Variants in COL4A6 observed in about 807,000 individuals in gnomAD.
COL4A6 encodes the protein collagen alpha-6(IV) chain.
Under a neutral mutation model 126.7 loss-of-function variants are expected in COL4A6, and 59 were observed. That is an observed-to-expected ratio of 0.47 (90% CI 0.38 to 0.58). The LOEUF (loss-of-function observed/expected upper bound fraction) is 0.58. COL4A6 is among the 20% of genes least tolerant of loss of function. The probability of loss-of-function intolerance (pLI) is 0.00; values close to 1 mark genes in which losing one functional copy is unlikely to be tolerated. For missense variants in COL4A6, 1,285 were observed against 1,337.3 expected (o/e 0.96, Z 0.61); for synonymous variants, 547 against 496.6 (o/e 1.10, Z -1.35).
At chrX:108,303,104 T>G (rs1331731924) in intron 3 of COL4A6, among the ~76,000 whole-genome samples, 1 of 108,952 alleles carries the variant, frequency 9.2e-6, no homozygotes, top group Non-Finnish European at 1.9e-5. Flanking sequence ...CTCCCTGCTA[T>G]CCTGCTGCTG....
chrX:108,383,547 CA>C, intron 2 of COL4A6: 1 of 459,780 alleles, frequency 2.2e-6, no homozygotes, highest in Admixed American at 3.5e-5. Context: ...TAGAACAGAA[CA>C]AAGAGATGTA....
chrX:108,272,706 C>T (rs182603722), intron 3 of COL4A6, among the ~76,000 whole-genome samples: 426 of 108,974 alleles, frequency 3.9e-3, no homozygotes, highest in African/African-American at 0.014. Flanking sequence ...TTTTTTAACC[C>T]ATCTCTCATT....
chrX:108,260,402 T>C (rs1445681823), intron 3 of COL4A6, among the ~76,000 whole-genome samples: 1 of 111,864 alleles, frequency 8.9e-6, no homozygotes, highest in Admixed American at 9.5e-5. Flanking sequence ...TCTCATATTG[T>C]AGCTCCAATA....
chrX:108,223,325 C>T (rs2148270625), intron 3 of COL4A6, among the ~76,000 whole-genome samples: 1 of 111,279 alleles, frequency 9.0e-6, no homozygotes, highest in African/African-American at 3.3e-5. Context: ...CATATGTATA[C>T]CTGTGTAACA....
chrX:108,343,610 A>C (rs1044355076), intron 2 of COL4A6, among the ~76,000 whole-genome samples: 21 of 111,417 alleles, frequency 1.9e-4, no homozygotes, highest in Non-Finnish European at 3.4e-4. Context: ...TTTGCTGATG[A>C]ATTAACTATT....
intron 13 of COL4A6, among the ~76,000 whole-genome samples, chrX:108,197,816 C>A (rs188612752): frequency 1.1e-5 from 1 of 93,873 alleles, no homozygotes; most frequent in Non-Finnish European, 2.1e-5. Context: ...TGTGTAGGAT[C>A]CAATTCAAAG....
chrX:108,362,055 T>TTGTGTGTGTG (rs10548613), intron 2 of COL4A6, among the ~76,000 whole-genome samples: 11 of 103,133 alleles, frequency 1.1e-4, no homozygotes, highest in Non-Finnish European at 2.0e-4. Context: ...TCAAACTAGT[T>TTGTGTGTGTG]TGTGTGTGTG....
At chrX:108,270,664 G>C (rs979958978) in intron 3 of COL4A6, among the ~76,000 whole-genome samples, 1 of 112,015 alleles carries the variant, frequency 8.9e-6, no homozygotes, top group African/African-American at 3.2e-5. Flanking sequence ...TCATAGAGGT[G>C]GTATGAATCT....
chrX:108,383,382 G>A, intron 2 of COL4A6: 2 of 448,858 alleles, frequency 4.5e-6, no homozygotes, highest in Non-Finnish European at 8.4e-6. Context: ...CAAGCTATAA[G>A]AAGTAAAACC....
chrX:108,343,163 ATAGT>A (rs1247763808), intron 2 of COL4A6, among the ~76,000 whole-genome samples: 129 of 32,468 alleles, frequency 4.0e-3, no homozygotes, highest in African/African-American at 5.8e-3. Flanking sequence ...ATATATATAT[ATAGT>A]GTGTGTGTGT....
At chrX:108,274,460 G>A (rs1293197631) in intron 3 of COL4A6, among the ~76,000 whole-genome samples, 1 of 111,296 alleles carries the variant, frequency 9.0e-6, no homozygotes, top group Admixed American at 9.6e-5. Context: ...CGCAGGAGGT[G>A]GTTCAGAGTG....
At chrX:108,160,697 T>G in intron 42 of COL4A6, 43 bp from the exon 43 acceptor site, 1 of 1,097,693 alleles carries the variant, frequency 9.1e-7, no homozygotes, top group Non-Finnish European at 1.2e-6. Flanking sequence ...GTGCAGCTAA[T>G]GACAACATCA....
At chrX:108,293,365 CTTAATA>C (rs1051684333) in intron 3 of COL4A6, among the ~76,000 whole-genome samples, 1 of 111,540 alleles carries the variant, frequency 9.0e-6, no homozygotes, top group African/African-American at 3.3e-5. Context: ...ATGATAAGTA[CTTAATA>C]TTATTATTAG....
chrX:108,402,852 G>A lies in COL4A6; in HGVS notation c.63+35090C>T, dbSNP rs377186542. Among the ~76,000 whole-genome samples, 13 of 110,890 alleles carry A rather than the reference G, an allele frequency of 1.2e-4. 1 individual carries two copies. In the East Asian group the frequency reaches 1.7e-3, roughly 14 times the overall value. ...TTCTGTTGTAATTTGCTTTAGGGCC[G>A]AATACATGCTCAATTTTTATGTATG... On this transcript the variant is annotated intron_variant, in intron 2 of 44. Transcript: ENST00000334504.
At position 108,266,047 on chromosome X, in the gene COL4A6, T is replaced by G. The variant is rs1024459080; in HGVS notation, c.145-44673A>C. On this transcript the variant is annotated intron_variant, in intron 3 of 44. Transcript: ENST00000334504. Reference sequence around the variant, plus strand: ...GGGAGGGCATCCTTGGAGGCAGACATAAGCTGCATTTGATAACTGGGAGAG... The same window carrying G: ...GGGAGGGCATCCTTGGAGGCAGACAGAAGCTGCATTTGATAACTGGGAGAG... 4.5e-5 allele frequency among the ~76,000 whole-genome samples: 5 copies of G among 111,904 alleles called. No individual in the cohort carries two copies. The East Asian group carries it at 1.4e-3, about 32-fold the overall frequency.
At chrX:108,371,574 TA>T (rs35855359) in intron 2 of COL4A6, among the ~76,000 whole-genome samples, 2,839 of 51,698 alleles carry the variant, frequency 0.055, 59 homozygotes, top group African/African-American at 0.091. Flanking sequence ...TCTGTCTCTA[TA>T]AAAAAAAAAA....
chrX:108,324,813 T>C (rs2039114410), intron 2 of COL4A6, among the ~76,000 whole-genome samples: 1 of 111,317 alleles, frequency 9.0e-6, no homozygotes, highest in Non-Finnish European at 1.9e-5. Context: ...GAGTGCCTCA[T>C]AGAAAATCCA....
At chrX:108,322,139 C>A (rs1178164636) in intron 2 of COL4A6, among the ~76,000 whole-genome samples, 1 of 111,244 alleles carries the variant, frequency 9.0e-6, no homozygotes, top group Non-Finnish European at 1.9e-5. Flanking sequence ...AACCTAAAAC[C>A]TTTGCATTGA....
At chrX:108,222,379 C>T in intron 3 of COL4A6, among the ~76,000 whole-genome samples, 1 of 112,387 alleles carries the variant, frequency 8.9e-6, no homozygotes. Flanking sequence ...CTCTTGGCCC[C>T]TTTACTGACT....
Sources: allele counts gnomAD v4.1 joint callset (sites outside exome capture counted in the v4.1 genomes callset), GRCh38; gene constraint gnomAD v4.1.1; transcripts MANE v1.5; gene names NCBI Gene and HGNC (gene_info 2026-07-23, HGNC 2026-07-21).